RAPGEF6: variants seen among roughly 807,000 people sequenced by gnomAD.
The protein encoded by RAPGEF6 is PDZ domain containing guanine nucleotide exchange factor (GEF) 2.
Under a neutral mutation model 171.4 loss-of-function variants are expected in RAPGEF6, and 56 were observed. That is an observed-to-expected ratio of 0.33 (90% confidence interval 0.26 to 0.41). RAPGEF6 has a LOEUF of 0.41. RAPGEF6 is among the 10% of genes least tolerant of loss of function. The probability of loss-of-function intolerance (pLI) is 1.00; values close to 1 mark genes in which losing one functional copy is unlikely to be tolerated. For synonymous variants in RAPGEF6, 692 were observed against 650.1 expected (o/e 1.06, Z -0.98); for missense variants, 1,674 against 1,921.4 (o/e 0.87, Z 2.41).
chr5:131,461,598 T>G, intron 19 of RAPGEF6, 107 bp downstream of exon 19: 1 of 1,077,112 alleles, frequency 9.3e-7, no homozygotes, highest in Non-Finnish European at 1.3e-6. Context: ...AATAAAGGCA[T>G]ATTAATTGAA....
chr5:131,475,495 A>G (rs926468172), intron 16 of RAPGEF6, among the ~76,000 whole-genome samples: 5 of 152,216 alleles, frequency 3.3e-5, no homozygotes, highest in African/African-American at 1.2e-4. Flanking sequence ...TACGTTGACA[A>G]GAAATGGGGA....
At chr5:131,546,142 C>T (rs1458946185) in intron 6 of RAPGEF6, among the ~76,000 whole-genome samples, 2 of 152,120 alleles carry the variant, frequency 1.3e-5, no homozygotes, top group Non-Finnish European at 2.9e-5. Flanking sequence ...AAAGAAGATA[C>T]TGAAGTTGAG....
intron 6 of RAPGEF6, among the ~76,000 whole-genome samples, chr5:131,545,764 T>C (rs1050869790): frequency 3.3e-5 from 5 of 152,214 alleles, no homozygotes; most frequent in Non-Finnish European, 7.3e-5. Flanking sequence ...AAACAGCACA[T>C]GTACCTAACA....
At chr5:131,604,793 CA>C in intron 1 of RAPGEF6, 100 bp from the exon 2 acceptor site, 1 of 1,362,524 alleles carries the variant, frequency 7.3e-7, no homozygotes. Context: ...CCACTTATGG[CA>C]AAGCAGTTAA....
At chr5:131,587,972 A>C (rs1353491542) in intron 4 of RAPGEF6, among the ~76,000 whole-genome samples, 1 of 151,816 alleles carries the variant, frequency 6.6e-6, no homozygotes. Flanking sequence ...TTATGGACAA[A>C]TCATGAGGGA....
chr5:131,548,332 A>G (rs112802877), intron 5 of RAPGEF6, 142 bp from the exon 6 acceptor site: 6 of 735,552 alleles, frequency 8.2e-6, no homozygotes, highest in Non-Finnish European at 1.1e-5. Context: ...GTATAGCACA[A>G]CGCTCATGAG....
chr5:131,631,899 AC>A lies in RAPGEF6; in HGVS notation c.69+3062del, dbSNP rs1766330403. On this transcript the variant is annotated intron_variant, in intron 1 of 27. Transcript: ENST00000509018. ...AGGCCATCCTGGCTAACACGGTGAA[AC>A]CCCATCTCTACTAAAAACACAAAAA... Among the ~76,000 whole-genome samples the A allele has an allele frequency of 2.0e-5, 3 of 152,004 alleles. No individual in the cohort carries two copies. The South Asian group carries it at 6.2e-4, about 32-fold the overall frequency.
intron 4 of RAPGEF6, among the ~76,000 whole-genome samples, chr5:131,572,897 C>A (rs1270221000): frequency 6.6e-6 from 1 of 152,160 alleles, no homozygotes; most frequent in East Asian, 1.9e-4. Flanking sequence ...AGAAATGGCA[C>A]TTTCGATTTG....
rs575507162 is a variant in RAPGEF6, at chr5:131,430,255, T to C, written c.4465+604A>G. Among the ~76,000 whole-genome samples the C allele has an allele frequency of 1.1e-3, 162 of 152,244 alleles. 1 individual carries two copies. Among genetic ancestry groups the C allele is most frequent in the African/African-American group, 3.8e-3 (157 of 41,526 alleles). On this transcript the variant is annotated intron_variant, in intron 26 of 27. Coordinates refer to ENST00000509018, the MANE Select transcript of RAPGEF6 (RefSeq NM_016340.6). The stretch of plus-strand genomic sequence containing the variant: ...TTCCATATAAGTAGAAAAGCAGTTT[T>C]ATATCCACGTATTTATATAGTTTAG...
rs780169908 is a variant in RAPGEF6, at chr5:131,495,674, A to C, written c.1420-14T>G. The C allele has an allele frequency of 1.9e-6, 3 of 1,606,126 alleles. No homozygotes were observed. The highest frequency in any genetic ancestry group is 2.2e-5 in the South Asian group (2 of 89,926). ...AATCCGTGTCACCTGTGGAAACATA[A>C]AAGAGGCAGCATATGGTTATAAGAG... On this transcript the variant is annotated splice_polypyrimidine_tract_variant and intron_variant, in intron 12 of 27. Transcript: ENST00000509018.
At chr5:131,533,178 AC>A (rs1196637849) in intron 6 of RAPGEF6, 5 of 128,274 alleles carry the variant, frequency 3.9e-5, no homozygotes, top group African/African-American at 1.1e-4. Context: ...ATACACACAC[AC>A]ACACACACAC....
At chr5:131,538,686 G>A (rs751214223) in intron 6 of RAPGEF6, among the ~76,000 whole-genome samples, 4 of 152,128 alleles carry the variant, frequency 2.6e-5, no homozygotes, top group Admixed American at 6.5e-5. Flanking sequence ...AAAATTTTAA[G>A]TGACAGTAGC....
chr5:131,489,699 G>A (rs750457731), intron 14 of RAPGEF6, 45 bp from the exon 15 acceptor site: 4 of 1,050,934 alleles, frequency 3.8e-6, no homozygotes, highest in Non-Finnish European at 5.5e-6. Flanking sequence ...AACAGTATTA[G>A]TTACTCCTAC....
intron 22 of RAPGEF6, 138 bp downstream of exon 22, chr5:131,446,345 T>C: frequency 5.2e-6 from 4 of 764,866 alleles, no homozygotes; most frequent in Non-Finnish European, 8.2e-6. Context: ...ATTAATTGGA[T>C]CACATGATGC....
chr5:131,612,433 G>C (rs1764989347), intron 1 of RAPGEF6, among the ~76,000 whole-genome samples: 1 of 151,902 alleles, frequency 6.6e-6, no homozygotes. Context: ...ATTTTTGGTA[G>C]GTAAGGTATA....
intron 6 of RAPGEF6, among the ~76,000 whole-genome samples, chr5:131,529,187 A>T (rs1251881638): frequency 2.0e-5 from 3 of 152,068 alleles, no homozygotes; most frequent in Non-Finnish European, 4.4e-5. Context: ...ATTAAAAAAC[A>T]ACAACAGGCA....
At chr5:131,627,824 G>A (rs777423239) in intron 1 of RAPGEF6, among the ~76,000 whole-genome samples, 6 of 152,022 alleles carry the variant, frequency 3.9e-5, no homozygotes, top group East Asian at 3.8e-4. Context: ...TCATGTCTCC[G>A]TGTCACATTT....
At chr5:131,597,334 T>C (rs1178320207) in intron 3 of RAPGEF6, among the ~76,000 whole-genome samples, 1 of 151,886 alleles carries the variant, frequency 6.6e-6, no homozygotes, top group African/African-American at 2.4e-5. Flanking sequence ...AAAATGGAAC[T>C]TCTAGGTAAT....
At chr5:131,566,066 G>GTGCC (rs1761911172) in intron 4 of RAPGEF6, among the ~76,000 whole-genome samples, 2 of 151,848 alleles carry the variant, frequency 1.3e-5, no homozygotes, top group Non-Finnish European at 2.9e-5. Context: ...AGGATCACTT[G>GTGCC]TGCCTGGGAG....
Sources: allele counts gnomAD v4.1 joint callset (sites outside exome capture counted in the v4.1 genomes callset), GRCh38; gene constraint gnomAD v4.1.1; transcripts MANE v1.5; gene names NCBI Gene and HGNC (gene_info 2026-07-23, HGNC 2026-07-21).